The following MTHFD2L variants were observed in gnomAD, a reference collection of about 807,000 sequenced individuals.
The protein encoded by MTHFD2L is bifunctional methylenetetrahydrofolate dehydrogenase/cyclohydrolase 2, mitochondrial.
Under a neutral mutation model 34.9 loss-of-function variants are expected in MTHFD2L, and 29 were observed. The observed-to-expected ratio is 0.83, with a 90% CI of 0.62 to 1.13. The LOEUF is 1.13. Ranked by LOEUF, MTHFD2L falls within the 50% of genes most tolerant of loss-of-function variation. The probability of loss-of-function intolerance (pLI) is 0.00; values close to 1 mark genes in which losing one functional copy is unlikely to be tolerated. For synonymous variants in MTHFD2L, 167 were observed against 155.7 expected (o/e 1.07, Z -0.54); for missense variants, 481 against 446.5 (o/e 1.08, Z -0.70).
chr4:74,256,040 G>C (rs1743982805), intron 6 of MTHFD2L, among the ~76,000 whole-genome samples: 1 of 152,318 alleles, frequency 6.6e-6, no homozygotes, highest in South Asian at 2.1e-4. Flanking sequence ...TCAAATGGTA[G>C]TTCTGTTTCT....
intron 3 of MTHFD2L, among the ~76,000 whole-genome samples, chr4:74,181,510 C>T (rs1730166507): frequency 6.6e-6 from 1 of 152,104 alleles, no homozygotes; most frequent in South Asian, 2.1e-4. Context: ...GTCAAGAGAA[C>T]CAAGTGTAGC....
intron 3 of MTHFD2L, among the ~76,000 whole-genome samples, chr4:74,181,162 G>T (rs1730087454): frequency 6.6e-6 from 1 of 152,030 alleles, no homozygotes; most frequent in South Asian, 2.1e-4. Flanking sequence ...AATAGAATTT[G>T]GTGCAGGGTG....
intron 6 of MTHFD2L, among the ~76,000 whole-genome samples, chr4:74,235,475 T>TA (rs1026373056): frequency 2.6e-5 from 4 of 152,102 alleles, no homozygotes; most frequent in African/African-American, 9.7e-5. Context: ...TTGATGACAC[T>TA]AGGTGTTATA....
chr4:74,227,420 G>A (rs991871327), intron 6 of MTHFD2L, among the ~76,000 whole-genome samples: 4 of 150,838 alleles, frequency 2.7e-5, no homozygotes, highest in African/African-American at 7.5e-5. Flanking sequence ...ACTATATGGG[G>A]TGGATTCTGT....
intron 5 of MTHFD2L, among the ~76,000 whole-genome samples, chr4:74,213,825 T>G (rs1321660200): frequency 6.6e-6 from 1 of 152,214 alleles, no homozygotes; most frequent in African/African-American, 2.4e-5. Flanking sequence ...CCATTCTCCC[T>G]GTCACTTTTA....
chr4:74,214,752 C>G (rs1253420023), intron 5 of MTHFD2L, among the ~76,000 whole-genome samples: 1 of 151,846 alleles, frequency 6.6e-6, no homozygotes, highest in Non-Finnish European at 1.5e-5. Context: ...GGGAGATCCA[C>G]TGCTCTCTTA....
intron 3 of MTHFD2L, chr4:74,181,819 C>G (rs903428252): frequency 6.6e-6 from 1 of 151,890 alleles, no homozygotes; most frequent in Non-Finnish European, 1.5e-5. Context: ...GAGTTCATGG[C>G]GCAGATTTAA....
intron 1 of MTHFD2L, among the ~76,000 whole-genome samples, chr4:74,129,212 A>G (rs552075717): frequency 6.6e-6 from 1 of 152,162 alleles, no homozygotes; most frequent in Non-Finnish European, 1.5e-5. Flanking sequence ...AAGAATATTC[A>G]GGACTTGAAC....
intron 3 of MTHFD2L, chr4:74,184,051 G>A (rs913296729): frequency 2.6e-5 from 4 of 152,000 alleles, no homozygotes; most frequent in African/African-American, 9.7e-5. Flanking sequence ...GAAACCGAAA[G>A]CAACCATGAA....
intron 6 of MTHFD2L, chr4:74,267,632 C>G: frequency 1.5e-6 from 1 of 659,376 alleles, no homozygotes; most frequent in Non-Finnish European, 1.9e-6. Context: ...ACAAGGTTTC[C>G]CTATGTTGCC....
At chr4:74,138,753 G>C (rs1329679941) in intron 1 of MTHFD2L, among the ~76,000 whole-genome samples, 4 of 152,142 alleles carry the variant, frequency 2.6e-5, no homozygotes, top group Non-Finnish European at 4.4e-5. Flanking sequence ...AGAGTGTTCA[G>C]TAGCAAGATT....
At chr4:74,170,822 T>C (rs901624143) in intron 1 of MTHFD2L, among the ~76,000 whole-genome samples, 3 of 151,958 alleles carry the variant, frequency 2.0e-5, no homozygotes, top group African/African-American at 7.3e-5. Flanking sequence ...GTTCATGTCC[T>C]TTGTAGGGAC....
intron 7 of MTHFD2L, chr4:74,293,453 G>A (rs1749250589): frequency 2.4e-6 from 2 of 849,646 alleles, no homozygotes; most frequent in African/African-American, 1.8e-5. Context: ...TACCACATTA[G>A]GACAATAATC....
intron 6 of MTHFD2L, among the ~76,000 whole-genome samples, chr4:74,275,061 T>C (rs1332459725): frequency 6.6e-6 from 1 of 152,140 alleles, no homozygotes; most frequent in African/African-American, 2.4e-5. Context: ...TCACCTAGGT[T>C]TTAAGCCCTG....
intron 5 of MTHFD2L, among the ~76,000 whole-genome samples, chr4:74,213,637 C>T (rs1245091494): frequency 6.6e-6 from 1 of 152,146 alleles, no homozygotes; most frequent in Non-Finnish European, 1.5e-5. Context: ...CTGCCCTTAA[C>T]ATTTTTTCCT....
intron 6 of MTHFD2L, among the ~76,000 whole-genome samples, chr4:74,244,254 C>G (rs1742109631): frequency 6.6e-6 from 1 of 152,150 alleles, no homozygotes; most frequent in South Asian, 2.1e-4. Context: ...ATCCTCAGAT[C>G]AGAAAGATAG....
chr4:74,166,652 A>T lies in MTHFD2L; in HGVS notation c.144-7854A>T, dbSNP rs538688042. Among the ~76,000 whole-genome samples the T allele has an allele frequency of 1.4e-4, 21 of 152,130 alleles. 1 individual carries two copies. The East Asian group carries it at 3.9e-3, about 28-fold the overall frequency. On this transcript the variant is annotated intron_variant, in intron 1 of 7. Transcript: ENST00000325278. The stretch of plus-strand genomic sequence containing the variant: ...AACAAGTGTTGCCCATCCCAGTGCC[A>T]GGCCAGCCCCCACAGACACAGCTTG...
Position 74,206,399 on chromosome 4 carries a change from G to A in MTHFD2L, c.712+5029G>A, listed in dbSNP as rs115718338. 6.3e-3 allele frequency among the ~76,000 whole-genome samples: 949 copies of A among 150,228 alleles called. 12 individuals carry two copies. Among genetic ancestry groups the A allele is most frequent in the African/African-American group, 0.022 (915 of 41,160 alleles). ...AAGTAATCTCTGGAATTTTGTGGCT[G>A]GGTCTCCAGACTTAGTCTGTCTGTC... On this transcript the variant is annotated intron_variant, in intron 5 of 7. Coordinates refer to ENST00000325278, the MANE Select transcript of MTHFD2L (RefSeq NM_001144978.3).
intron 6 of MTHFD2L, among the ~76,000 whole-genome samples, chr4:74,241,389 T>G (rs1022253016): frequency 6.6e-6 from 1 of 152,094 alleles, no homozygotes; most frequent in Non-Finnish European, 1.5e-5. Flanking sequence ...ATATCATTAT[T>G]TAATTTTTAA....
Sources: gnomAD v4.1 joint callset for allele counts (sites outside exome capture counted in the v4.1 genomes callset) on GRCh38, gnomAD v4.1.1 for gene constraint, MANE v1.5 for transcripts, NCBI Gene and HGNC (gene_info 2026-07-23, HGNC 2026-07-21) for gene names.